Variants in LRRTM4 observed in about 807,000 individuals in gnomAD.
LRRTM4 encodes leucine-rich repeat transmembrane neuronal protein 4.
LRRTM4 carries 25 observed loss-of-function variants against 47.6 expected under a neutral mutation model. The observed-to-expected ratio is 0.53, with a 90% CI of 0.38 to 0.73. The LOEUF (loss-of-function observed/expected upper bound fraction) is 0.73, where lower values mean the gene tolerates loss of function less well. Ranked by LOEUF, LRRTM4 falls within the 30% of genes least tolerant of loss-of-function variation. The probability of loss-of-function intolerance (pLI) is 0.00; values close to 1 mark genes in which losing one functional copy is unlikely to be tolerated. For missense variants in LRRTM4, 638 were observed against 713.4 expected (o/e 0.89, Z 1.20); for synonymous variants, 311 against 269.5 (o/e 1.15, Z -1.51).
chr2:77,348,848 T>TA (rs200532819), intron 3 of LRRTM4, among the ~76,000 whole-genome samples: 8 of 151,302 alleles, frequency 5.3e-5, no homozygotes, highest in South Asian at 4.2e-4. Flanking sequence ...TGGTTAGATA[T>TA]AAAAAAAACT....
At chr2:77,427,903 G>A (rs754772187) in intron 3 of LRRTM4, among the ~76,000 whole-genome samples, 17 of 152,046 alleles carry the variant, frequency 1.1e-4, no homozygotes, top group Admixed American at 5.9e-4. Context: ...CAACTGATAC[G>A]GTTTGGCTGT....
intron 3 of LRRTM4, among the ~76,000 whole-genome samples, chr2:77,500,697 C>T (rs901933725): frequency 1.3e-5 from 2 of 151,412 alleles, no homozygotes; most frequent in Non-Finnish European, 3.0e-5. Context: ...TCATTCACTC[C>T]GTATTATTTT....
At chr2:77,222,457 T>C (rs1304401909) in intron 3 of LRRTM4, among the ~76,000 whole-genome samples, 1 of 152,068 alleles carries the variant, frequency 6.6e-6, no homozygotes, top group Non-Finnish European at 1.5e-5. Context: ...GATAGACTGC[T>C]AGCAAGGTTA....
At chr2:76,929,376 T>A (rs181210092) in intron 3 of LRRTM4, among the ~76,000 whole-genome samples, 3 of 152,288 alleles carry the variant, frequency 2.0e-5, no homozygotes, top group East Asian at 3.9e-4. Flanking sequence ...GCTTTCATGC[T>A]ACGATGGCAA....
At chr2:77,219,498 T>G (rs2103943607) in intron 3 of LRRTM4, among the ~76,000 whole-genome samples, 1 of 152,312 alleles carries the variant, frequency 6.6e-6, no homozygotes, top group African/African-American at 2.4e-5. Flanking sequence ...AGGTGGGGCA[T>G]ATGGTAAACA....
At chr2:77,178,912 A>G (rs537363017) in intron 3 of LRRTM4, among the ~76,000 whole-genome samples, 1 of 152,332 alleles carries the variant, frequency 6.6e-6, no homozygotes, top group Non-Finnish European at 1.5e-5. Flanking sequence ...CATTCATACC[A>G]GTAGTGTGAA....
intron 3 of LRRTM4, among the ~76,000 whole-genome samples, chr2:77,113,473 A>G (rs1288863719): frequency 6.6e-6 from 1 of 152,206 alleles, no homozygotes; most frequent in Non-Finnish European, 1.5e-5. Context: ...GGACAAGCCC[A>G]TGCCTCTAAT....
chr2:77,043,390 T>C (rs1043446897), intron 3 of LRRTM4, among the ~76,000 whole-genome samples: 1 of 151,764 alleles, frequency 6.6e-6, no homozygotes. Context: ...GCAACAGTAT[T>C]GTCCTCCAAC....
intron 3 of LRRTM4, among the ~76,000 whole-genome samples, chr2:77,350,104 T>C (rs1254349877): frequency 2.7e-5 from 4 of 150,270 alleles, no homozygotes; most frequent in Admixed American, 2.7e-4. Flanking sequence ...GGGTGGATCA[T>C]GAGGTCAGGA....
chr2:77,216,586 T>G (rs1674446864), intron 3 of LRRTM4, among the ~76,000 whole-genome samples: 1 of 152,188 alleles, frequency 6.6e-6, no homozygotes, highest in Admixed American at 6.5e-5. Context: ...TATATATTTA[T>G]AAGTAGCAAT....
At chr2:77,033,217 T>C (rs1422558364) in intron 3 of LRRTM4, among the ~76,000 whole-genome samples, 1 of 152,000 alleles carries the variant, frequency 6.6e-6, no homozygotes, top group East Asian at 1.9e-4. Flanking sequence ...AAACTCATAT[T>C]TTCTAAACAA....
intron 3 of LRRTM4, among the ~76,000 whole-genome samples, chr2:77,052,415 C>T (rs936833681): frequency 2.0e-4 from 30 of 151,812 alleles, no homozygotes; most frequent in African/African-American, 5.1e-4. Context: ...GAGATCCACC[C>T]GCCTTGGCCT....
chr2:77,195,435 A>G (rs1673793756), intron 3 of LRRTM4, among the ~76,000 whole-genome samples: 1 of 152,138 alleles, frequency 6.6e-6, no homozygotes, highest in South Asian at 2.1e-4. Context: ...CATTACACGT[A>G]TATTTAATAA....
intron 3 of LRRTM4, among the ~76,000 whole-genome samples, chr2:76,934,739 A>T (rs1674885714): frequency 6.6e-6 from 1 of 152,212 alleles, no homozygotes; most frequent in African/African-American, 2.4e-5. Flanking sequence ...AACATAGATG[A>T]CAATACTGTG....
intron 3 of LRRTM4, among the ~76,000 whole-genome samples, chr2:77,380,415 G>T (rs1283255949): frequency 6.6e-6 from 1 of 152,054 alleles, no homozygotes; most frequent in Non-Finnish European, 1.5e-5. Flanking sequence ...TTTTCATAAT[G>T]ATTATTTCAT....
At chr2:77,351,631 TATATATATAG>T (rs1671782031) in intron 3 of LRRTM4, among the ~76,000 whole-genome samples, 1 of 148,548 alleles carries the variant, frequency 6.7e-6, no homozygotes, top group African/African-American at 2.5e-5. Flanking sequence ...TATATATATA[TATATATATAG>T]TTAATGTGAA....
chr2:77,004,523 A>G (rs1573437986), intron 3 of LRRTM4, among the ~76,000 whole-genome samples: 2 of 152,338 alleles, frequency 1.3e-5, no homozygotes, highest in Admixed American at 1.3e-4. Context: ...CTGGATGTTC[A>G]GGCAGAAGTG....
chr2:76,969,737 T>A (rs1676155685), intron 3 of LRRTM4, among the ~76,000 whole-genome samples: 1 of 152,042 alleles, frequency 6.6e-6, no homozygotes, highest in South Asian at 2.1e-4. Flanking sequence ...ACTTGCTTAA[T>A]TCTCAAAATA....
chr2:77,205,499 A>G (rs1674097196), intron 3 of LRRTM4, among the ~76,000 whole-genome samples: 2 of 152,128 alleles, frequency 1.3e-5, no homozygotes, highest in South Asian at 4.1e-4. Context: ...GGAAAAAGTA[A>G]TGACACACAA....
Sources: gnomAD v4.1 joint callset for allele counts (sites outside exome capture counted in the v4.1 genomes callset) on GRCh38, gnomAD v4.1.1 for gene constraint, MANE v1.5 for transcripts, NCBI Gene and HGNC (gene_info 2026-07-23, HGNC 2026-07-21) for gene names.